The following ATRN variants were observed in gnomAD, a reference collection of about 807,000 sequenced individuals.
ATRN encodes the protein attractin-2.
Under a neutral mutation model 178.7 loss-of-function variants are expected in ATRN, and 54 were observed. The observed-to-expected ratio is 0.30, with a 90% CI of 0.24 to 0.38. ATRN has a LOEUF of 0.38. Among genes scored for constraint, ATRN ranks in the 10% least tolerant of loss-of-function variants. The pLI, the probability that ATRN is intolerant of heterozygous loss-of-function variation, is 1.00. For missense variants in ATRN, 1,443 were observed against 1,815.1 expected (o/e 0.79, Z 3.73); for synonymous variants, 636 against 663.0 (o/e 0.96, Z 0.63).
chr20:3,615,209 G>A (rs1008982517), intron 24 of ATRN, among the ~76,000 whole-genome samples: 1 of 152,004 alleles, frequency 6.6e-6, no homozygotes, highest in Non-Finnish European at 1.5e-5. Context: ...CGGGCAGATC[G>A]CTTTAGCTCA....
chr20:3,530,435 T>G (rs1315488489), intron 1 of ATRN, among the ~76,000 whole-genome samples: 1 of 149,638 alleles, frequency 6.7e-6, no homozygotes, highest in African/African-American at 2.4e-5. Flanking sequence ...GGCTAATTTT[T>G]TTTTCTTTTT....
rs536743935 is a variant in ATRN, at chr20:3,596,524, T to C, written c.3469+95T>C. 9 of 1,152,512 alleles carry C rather than the reference T, an allele frequency of 7.8e-6. No individual in the cohort carries two copies. The East Asian group carries it at 1.4e-4, about 18-fold the overall frequency. The allele number at this position is 1,152,512 out of a possible 1,614,324, so 71.4% of individuals were successfully genotyped here. A position where few individuals can be genotyped will look rare whatever the true frequency, so the allele number is the denominator to read the frequency against. On this transcript the variant is annotated intron_variant, in intron 21 of 28. Transcript: ENST00000262919. ...TTGAGAATAGTAAGTGCTATAAGAC[T>C]ATAGCAGCCACCAATGAAGTGTTCC... is the stretch of plus-strand genomic sequence containing the variant.
At chr20:3,533,371 A>G (rs901095339) in intron 1 of ATRN, among the ~76,000 whole-genome samples, 1 of 152,136 alleles carries the variant, frequency 6.6e-6, no homozygotes, top group African/African-American at 2.4e-5. Context: ...AAGAATTCTG[A>G]TTTTTTGATG....
intron 3 of ATRN, among the ~76,000 whole-genome samples, 180 bp downstream of exon 3, chr20:3,540,515 C>G (rs1036753620): frequency 1.3e-5 from 2 of 152,142 alleles, no homozygotes; most frequent in African/African-American, 2.4e-5. Context: ...TTCTGTAGCC[C>G]TGGGTAAGTT....
chr20:3,573,763 TTTA>T (rs747841386), intron 12 of ATRN, among the ~76,000 whole-genome samples: 12 of 4,856 alleles, frequency 2.5e-3, no homozygotes, highest in African/African-American at 0.015. Context: ...TTTTATTTTA[TTTA>T]TTTATTTATT....
chr20:3,615,332 G>T (rs951045155), intron 24 of ATRN, among the ~76,000 whole-genome samples: 12 of 151,238 alleles, frequency 7.9e-5, no homozygotes, highest in African/African-American at 2.9e-4. Context: ...GCAAGGCTGA[G>T]GCACAAGAAT....
chr20:3,625,672 G>T (rs1268782526), intron 25 of ATRN, among the ~76,000 whole-genome samples: 1 of 152,052 alleles, frequency 6.6e-6, no homozygotes, highest in Non-Finnish European at 1.5e-5. Context: ...ATTTCTCTCG[G>T]AGTTGCCCAC....
At chr20:3,584,908 A>C in intron 18 of ATRN, 28 bp downstream of exon 18, 2 of 1,586,516 alleles carry the variant, frequency 1.3e-6, no homozygotes, top group Non-Finnish European at 1.7e-6. Flanking sequence ...TCCAAATTCA[A>C]GTGTTTCACT....
intron 1 of ATRN, among the ~76,000 whole-genome samples, chr20:3,481,877 T>A (rs1424973716): frequency 2.7e-5 from 4 of 150,796 alleles, no homozygotes; most frequent in South Asian, 2.1e-4. Flanking sequence ...TTTCTCTTGG[T>A]CCTTTTTGTA....
At chr20:3,579,449 G>A (rs770083746) in intron 15 of ATRN, among the ~76,000 whole-genome samples, 6 of 152,120 alleles carry the variant, frequency 3.9e-5, no homozygotes, top group Non-Finnish European at 5.9e-5. Context: ...TTGCGCCACC[G>A]CACTCCAGCC....
intron 24 of ATRN, among the ~76,000 whole-genome samples, chr20:3,619,051 G>A (rs139742487): frequency 0.016 from 2,431 of 152,266 alleles, 69 homozygotes; most frequent in African/African-American, 0.055. Context: ...CCCTTGGTGG[G>A]GCCGCTGGTC....
At chr20:3,525,141 T>C (rs931639988) in intron 1 of ATRN, among the ~76,000 whole-genome samples, 7 of 151,664 alleles carry the variant, frequency 4.6e-5, no homozygotes, top group African/African-American at 1.7e-4. Context: ...ATTAAGAAAA[T>C]AGACTGCTAG....
chr20:3,635,121 C>A (rs1196935474), intron 26 of ATRN, among the ~76,000 whole-genome samples: 1 of 151,884 alleles, frequency 6.6e-6, no homozygotes, highest in Non-Finnish European at 1.5e-5. Context: ...TGGAAAACCA[C>A]ACTTCATATA....
chr20:3,505,417 C>G (rs1227728190), intron 1 of ATRN, among the ~76,000 whole-genome samples: 1 of 152,198 alleles, frequency 6.6e-6, no homozygotes, highest in Non-Finnish European at 1.5e-5. Context: ...CATTGGCTTC[C>G]CTGGCTCTGC....
intron 1 of ATRN, among the ~76,000 whole-genome samples, chr20:3,479,567 A>C (rs534684920): frequency 3.9e-5 from 6 of 152,300 alleles, no homozygotes; most frequent in African/African-American, 1.2e-4. Flanking sequence ...AAAGGCAAAG[A>C]ATTATGGATT....
chr20:3,637,351 G>T (rs2087033165), intron 26 of ATRN, among the ~76,000 whole-genome samples: 1 of 152,188 alleles, frequency 6.6e-6, no homozygotes, highest in Admixed American at 6.5e-5. Flanking sequence ...TTTTACACAT[G>T]TTGCCTCCTG....
chr20:3,591,109 G>T, intron 18 of ATRN, 60 bp from the exon 19 acceptor site: 1 of 1,454,328 alleles, frequency 6.9e-7, no homozygotes, highest in South Asian at 1.5e-5. Context: ...AAATCTTATT[G>T]AACTTAACTA....
In ATRN at chr20:3,646,823, T is replaced by G; in HGVS notation, c.4266T>G (p.Pro1422=). The part of the protein sequence containing the change: ...GAVRNRKQQP[P]AQPGTCI ...TGAGAAACCGGAAGCAGCAGCCCCC[T>G]GCACAGCCTGGGACCTGCATCTGAT... Residue 1422 remains proline (P), a synonymous_variant, in exon 29 of 29, where the codon CCT becomes CCG. Transcript: ENST00000262919. The G allele has an allele frequency of 6.2e-7, 1 of 1,613,078 alleles. No homozygotes were observed. The highest frequency in any genetic ancestry group is 2.2e-5 in the East Asian group (1 of 44,864).
At chr20:3,504,022 G>C (rs1218378927) in intron 1 of ATRN, among the ~76,000 whole-genome samples, 1 of 152,136 alleles carries the variant, frequency 6.6e-6, no homozygotes, top group African/African-American at 2.4e-5. Flanking sequence ...TTTCTCATCT[G>C]AAAACATGGA....
Sources: allele counts gnomAD v4.1 joint callset (sites outside exome capture counted in the v4.1 genomes callset), GRCh38; gene constraint gnomAD v4.1.1; transcripts MANE v1.5; gene names NCBI Gene and HGNC (gene_info 2026-07-23, HGNC 2026-07-21).